JARID2: variants seen among roughly 807,000 people sequenced by gnomAD.
JARID2 encodes the protein jumonji and AT-rich interaction domain containing 2.
A neutral mutation model predicts 125.6 loss-of-function variants in JARID2; 21 were observed. The ratio of observed to expected loss-of-function variants is 0.17; its 90% CI spans 0.12 to 0.24. The LOEUF is 0.24. Ranked by LOEUF, JARID2 falls within the 10% of genes least tolerant of loss-of-function variation. The probability of loss-of-function intolerance (pLI) is 1.00; values close to 1 mark genes in which losing one functional copy is unlikely to be tolerated. For synonymous variants in JARID2, 736 were observed against 661.6 expected, an observed-to-expected ratio of 1.11 and a Z score of -1.73; for missense variants, 1,303 against 1,639.6, an observed-to-expected ratio of 0.79 and a Z score of 3.55.
chr6:15,293,014 C>T (rs969779652), intron 1 of JARID2, among the ~76,000 whole-genome samples: 3 of 152,142 alleles, frequency 2.0e-5, no homozygotes, highest in Non-Finnish European at 4.4e-5. Flanking sequence ...GGCAGGACAC[C>T]TTTAGAAAGA....
intron 3 of JARID2, among the ~76,000 whole-genome samples, chr6:15,417,174 A>G (rs1766269215): frequency 6.6e-6 from 1 of 152,088 alleles, no homozygotes; most frequent in Non-Finnish European, 1.5e-5. Flanking sequence ...GAGGGTAGAA[A>G]AATTTCACGA....
chr6:15,519,411 C>T (rs1771723048), intron 17 of JARID2, among the ~76,000 whole-genome samples: 1 of 152,110 alleles, frequency 6.6e-6, no homozygotes, highest in African/African-American at 2.4e-5. Flanking sequence ...GAGATCAGGC[C>T]CTCAGATGTT....
At chr6:15,351,045 C>T (rs1318888477) in intron 1 of JARID2, among the ~76,000 whole-genome samples, 5 of 150,876 alleles carry the variant, frequency 3.3e-5, no homozygotes, top group African/African-American at 7.3e-5. Context: ...TACTAAATAG[C>T]AGTCATGTTT....
intron 1 of JARID2, among the ~76,000 whole-genome samples, chr6:15,371,883 CCTT>C (rs1247738854): frequency 2.0e-5 from 3 of 152,158 alleles, no homozygotes; most frequent in Admixed American, 6.5e-5. Flanking sequence ...GGATGTACCT[CCTT>C]CTTCTAGAGG....
At chr6:15,488,780 C>T (rs1336231975) in intron 6 of JARID2, among the ~76,000 whole-genome samples, 1 of 152,184 alleles carries the variant, frequency 6.6e-6, no homozygotes. Context: ...AGAATCACCA[C>T]ATTTACATTT....
At chr6:15,256,841 T>A (rs1272088817) in intron 1 of JARID2, among the ~76,000 whole-genome samples, 1 of 152,234 alleles carries the variant, frequency 6.6e-6, no homozygotes, top group African/African-American at 2.4e-5. Context: ...ATTTATGTCA[T>A]TGTAGGTCAA....
rs1770709765 is a variant in JARID2, at chr6:15,501,060, C to T, written c.2099C>T (p.Ala700Val). Residue 700 changes from alanine to valine, a missense_variant, in exon 8 of 18, where the codon GCC becomes GTC. Ala to Val is a moderately conservative substitution (Grantham distance 64). This residue lies in a region of JARID2 where 64 missense variants were observed against 166.8 expected (regional missense o/e 0.38). Transcript: ENST00000341776. The stretch of plus-strand genomic sequence containing the variant: ...GACCGGCTGGCCAAGCTGCAGGAGG[C>T]CTACTGCCAGTACCTACTCTCCTAC... ...AQDRLAKLQE[A>V]YCQYLLSYDS... is the part of the protein sequence containing the mutation. 5.0e-6 allele frequency: 8 copies of T among 1,613,910 alleles called. No homozygotes were observed. Among genetic ancestry groups the T allele is most frequent in the Non-Finnish European group, 6.8e-6 (8 of 1,179,846 alleles).
At chr6:15,248,078 T>A (rs910842661) in intron 1 of JARID2, 7 of 985,264 alleles carry the variant, frequency 7.1e-6, no homozygotes, top group African/African-American at 1.7e-5. Context: ...TCTTTCTTAT[T>A]GCGGGCGTTC....
intron 4 of JARID2, among the ~76,000 whole-genome samples, chr6:15,453,733 C>T (rs564499058): frequency 1.3e-4 from 20 of 152,308 alleles, no homozygotes; most frequent in African/African-American, 3.8e-4. Context: ...CCGCCTCATC[C>T]GTGGATCCTC....
chr6:15,318,887 C>CAT (rs1762262203), intron 1 of JARID2, among the ~76,000 whole-genome samples: 2 of 152,174 alleles, frequency 1.3e-5, no homozygotes. Context: ...GCCAGACAGC[C>CAT]ATAATGGCTT....
At chr6:15,325,216 A>G (rs1762499185) in intron 1 of JARID2, among the ~76,000 whole-genome samples, 1 of 151,796 alleles carries the variant, frequency 6.6e-6, no homozygotes, top group Admixed American at 6.6e-5. Flanking sequence ...GTTGTTGTTA[A>G]TTTTGACTTT....
At chr6:15,396,092 A>C (rs1297196979) in intron 2 of JARID2, among the ~76,000 whole-genome samples, 1 of 152,218 alleles carries the variant, frequency 6.6e-6, no homozygotes, top group Non-Finnish European at 1.5e-5. Context: ...AAAAAGGTTG[A>C]TCATGTTGTT....
At chr6:15,389,634 G>A (rs1764924648) in intron 2 of JARID2, among the ~76,000 whole-genome samples, 2 of 152,208 alleles carry the variant, frequency 1.3e-5, no homozygotes, top group Non-Finnish European at 2.9e-5. Context: ...TTTAAAGGGT[G>A]AGCTGGAAGG....
intron 1 of JARID2, among the ~76,000 whole-genome samples, chr6:15,362,669 G>A (rs758325332): frequency 7.2e-5 from 11 of 152,264 alleles, no homozygotes; most frequent in Non-Finnish European, 1.6e-4. Flanking sequence ...AGATTCTGGG[G>A]AGCCATGGAA....
At chr6:15,375,998 A>G (rs1764339027) in intron 2 of JARID2, among the ~76,000 whole-genome samples, 1 of 152,252 alleles carries the variant, frequency 6.6e-6, no homozygotes, top group Non-Finnish European at 1.5e-5. Flanking sequence ...AACAAAAACT[A>G]AAGTTTGTCA....
At chr6:15,314,956 T>C (rs1762131044) in intron 1 of JARID2, 2 of 152,168 alleles carry the variant, frequency 1.3e-5, no homozygotes, top group African/African-American at 4.8e-5. Context: ...AAAATTGGAA[T>C]GATACAGAGA....
At chr6:15,464,201 A>G (rs754615888) in intron 4 of JARID2, among the ~76,000 whole-genome samples, 1 of 152,192 alleles carries the variant, frequency 6.6e-6, no homozygotes, top group African/African-American at 2.4e-5. Context: ...ATTTTTACCA[A>G]TTCTGTGGCT....
intron 2 of JARID2, among the ~76,000 whole-genome samples, chr6:15,381,782 G>A (rs1351004208): frequency 6.6e-6 from 1 of 152,170 alleles, no homozygotes; most frequent in Non-Finnish European, 1.5e-5. Flanking sequence ...GCTTACTTTG[G>A]TCAAGTCCTA....
intron 4 of JARID2, 63 bp from the exon 5 acceptor site, chr6:15,468,479 T>C: frequency 7.0e-7 from 1 of 1,424,170 alleles, no homozygotes; most frequent in Non-Finnish European, 9.4e-7. Context: ...CATTGTGGTG[T>C]TCCTTCTGGA....
Sources: allele counts gnomAD v4.1 joint callset (sites outside exome capture counted in the v4.1 genomes callset), GRCh38; gene constraint gnomAD v4.1.1; regional missense constraint gnomAD v4.1.1; transcripts MANE v1.5; gene names NCBI Gene and HGNC (gene_info 2026-07-23, HGNC 2026-07-21).